The following AFAP1 variants were observed in gnomAD, a reference collection of about 807,000 sequenced individuals.
The protein encoded by AFAP1 is actin filament-associated protein 1.
AFAP1 carries 75 observed loss-of-function variants against 93.9 expected under a neutral mutation model. The ratio of observed to expected loss-of-function variants is 0.80; its 90% CI spans 0.66 to 0.97. The LOEUF (loss-of-function observed/expected upper bound fraction) is 0.97. Ranked by LOEUF, AFAP1 falls within the 50% of genes least tolerant of loss-of-function variation. AFAP1 has a pLI of 0.00. For missense variants in AFAP1, 1,201 were observed against 1,050.8 expected, an observed-to-expected ratio of 1.14 and a Z score of -1.98; for synonymous variants, 517 against 430.7, an observed-to-expected ratio of 1.20 and a Z score of -2.48.
At chr4:7,775,119 T>A in intron 14 of AFAP1, 1 of 539,402 alleles carries the variant, frequency 1.9e-6, no homozygotes. Context: ...CCAGCCTGGA[T>A]GACAGTGAGA....
chr4:7,903,038 C>G (rs34310670), intron 1 of AFAP1, among the ~76,000 whole-genome samples: 46,381 of 152,038 alleles, frequency 0.31, 8,840 homozygotes, highest in Non-Finnish European at 0.44. Context: ...TCCCTCCAGG[C>G]AAGTATCTGA....
At chr4:7,812,275 T>C (rs2067842) in intron 8 of AFAP1, among the ~76,000 whole-genome samples, 128,810 of 152,024 alleles carry the variant, frequency 0.85, 55,044 homozygotes, top group African/African-American at 0.96. Context: ...GAGCAAGAGG[T>C]ATCCCCCACA....
At position 7,868,726 on chromosome 4, in the gene AFAP1, G is replaced by C; in HGVS notation, c.128-7C>G. ...TGGTCCTTCACATCAAAACCTGTAA[G>C]AATTAACCAGAACCACAGAACTGGA... On this transcript the variant is annotated splice_region_variant and splice_polypyrimidine_tract_variant and intron_variant, in intron 2 of 17. Transcript: ENST00000420658. 6.2e-7 allele frequency: 1 copy of C among 1,612,378 alleles called. No individual in the cohort carries two copies.
rs1177808474 is a variant in AFAP1 at position 7,855,473 on chromosome 4, G to C, written c.327C>G (p.Ile109Met). ...GCAGGGCTGGCCACTCACTTGATGT[G>C]ATGTATTCCGGAGCTTTTCCGGGGC... is the stretch of plus-strand genomic sequence containing the variant. ...PLSPGKAPEYITSNYDSDAMS... is the reference protein window; with the variant it reads ...PLSPGKAPEYMTSNYDSDAMS... The change falls in exon 4 of 18, where the codon ATC (isoleucine) becomes ATG (methionine). Residue 109 changes from isoleucine (I) to methionine (M), a missense_variant. By Grantham distance (10) the Ile-to-Met change is conservative. Transcript: ENST00000420658. 6.2e-7 allele frequency: 1 copy of C among 1,606,150 alleles called. No individual in the cohort carries two copies. The highest frequency in any genetic ancestry group is 1.1e-5 in the South Asian group (1 of 90,232).
chr4:7,837,744 C>G (rs772166030), intron 6 of AFAP1, among the ~76,000 whole-genome samples: 1 of 152,150 alleles, frequency 6.6e-6, no homozygotes, highest in African/African-American at 2.4e-5. Flanking sequence ...TAGGGCTGGA[C>G]ACGATGGCTC....
chr4:7,836,319 C>G (rs1223207101), intron 6 of AFAP1, among the ~76,000 whole-genome samples: 1 of 152,188 alleles, frequency 6.6e-6, no homozygotes, highest in Non-Finnish European at 1.5e-5. Flanking sequence ...CCACGAAAGC[C>G]CAAGTACTGT....
chr4:7,929,861 C>T (rs369008416), intron 1 of AFAP1, among the ~76,000 whole-genome samples: 5 of 152,210 alleles, frequency 3.3e-5, no homozygotes, highest in East Asian at 3.9e-4. Flanking sequence ...TCCGGAGGTG[C>T]CGGCTCTGTT....
chr4:7,858,249 A>G (rs1356207542), intron 3 of AFAP1, among the ~76,000 whole-genome samples: 2 of 152,366 alleles, frequency 1.3e-5, no homozygotes, highest in Non-Finnish European at 2.9e-5. Context: ...GTCATTCACC[A>G]AAAGTGTTCA....
At chr4:7,767,849 G>A (rs1388453344) in intron 17 of AFAP1, among the ~76,000 whole-genome samples, 1 of 152,210 alleles carries the variant, frequency 6.6e-6, no homozygotes, top group Non-Finnish European at 1.5e-5. Flanking sequence ...GGAGGTAGGA[G>A]GATCACTTGA....
At chr4:7,819,451 C>T (rs780306855) in intron 6 of AFAP1, among the ~76,000 whole-genome samples, 2 of 152,166 alleles carry the variant, frequency 1.3e-5, no homozygotes, top group Non-Finnish European at 2.9e-5. Context: ...TATTTATCGC[C>T]ATGAACAATA....
At chr4:7,789,844 G>A (rs1454993879) in intron 11 of AFAP1, among the ~76,000 whole-genome samples, 1 of 152,214 alleles carries the variant, frequency 6.6e-6, no homozygotes, top group Non-Finnish European at 1.5e-5. Flanking sequence ...TCCCAGCTGA[G>A]TGTGACTTGA....
rs1716763856 is a variant in AFAP1 at position 7,781,466 on chromosome 4, C to G, written c.1692G>C (p.Leu564=). 3 of 1,552,096 alleles carry G rather than the reference C, an allele frequency of 1.9e-6. No homozygotes were observed. The highest frequency in any genetic ancestry group is 2.6e-6 in the Non-Finnish European group (3 of 1,147,082). The part of the protein sequence containing the change: ...RKASRLSADK[L]SSNHYKYPAS... ...CAGGGTATTTGTAATGGTTAGAGGACAGCTTGTCAGCAGACAGCCTAGAGG... is the reference window on the plus strand; with the variant it reads ...CAGGGTATTTGTAATGGTTAGAGGAGAGCTTGTCAGCAGACAGCCTAGAGG... The change falls in exon 13 of 18, where the codon CTG becomes CTC. Residue 564 remains leucine, a synonymous_variant. Coordinates refer to ENST00000420658, the MANE Select transcript of AFAP1 (RefSeq NM_001134647.2).
intron 3 of AFAP1, among the ~76,000 whole-genome samples, chr4:7,862,884 A>G (rs1198866928): frequency 1.3e-5 from 2 of 152,116 alleles, no homozygotes; most frequent in Non-Finnish European, 2.9e-5. Flanking sequence ...GTTTAGACAC[A>G]ATGCTATGCT....
intron 6 of AFAP1, among the ~76,000 whole-genome samples, chr4:7,827,121 G>C (rs939521878): frequency 3.9e-5 from 6 of 152,128 alleles, no homozygotes; most frequent in African/African-American, 1.4e-4. Flanking sequence ...GGGCTGAAGA[G>C]CCCACAGGAG....
intron 1 of AFAP1, among the ~76,000 whole-genome samples, chr4:7,890,110 A>G (rs1718376598): frequency 6.6e-6 from 1 of 152,154 alleles, no homozygotes; most frequent in African/African-American, 2.4e-5. Context: ...AAAAAGAACA[A>G]TGTTGGAACA....
rs1715933136 is a variant in AFAP1 at position 7,774,848 on chromosome 4, T to C, written c.1953A>G (p.Leu651=). The C allele has an allele frequency of 1.9e-6, 3 of 1,614,224 alleles. No individual in the cohort carries two copies. Among genetic ancestry groups the C allele is most frequent in the South Asian group, 1.1e-5 (1 of 91,086 alleles). ...TCAGCAGCTCCTCCTCTTTGGTCTG[T>C]AGCCGCTTGGCATCTGCTTCTACCC... The part of the protein sequence containing the change: ...KNRVEADAKR[L]QTKEEELLKR... The change falls in exon 15 of 18, where the codon CTA becomes CTG. Residue 651 remains leucine, a synonymous_variant. Coordinates refer to ENST00000420658, the MANE Select transcript of AFAP1 (RefSeq NM_001134647.2).
At chr4:7,773,360 G>T (rs565934188) in intron 15 of AFAP1, 23 of 245,644 alleles carry the variant, frequency 9.4e-5, no homozygotes, top group Non-Finnish European at 1.2e-4. Context: ...TGTGAACCCT[G>T]TCCTCCCCTA....
rs1341879838 is a variant in AFAP1 at position 7,781,499 on chromosome 4, G to C, written c.1659C>G (p.Asp553Glu). 1 of 1,552,244 alleles carries C rather than the reference G, an allele frequency of 6.4e-7. No individual in the cohort carries two copies. Among genetic ancestry groups the C allele is most frequent in the Non-Finnish European group, 8.7e-7 (1 of 1,147,124 alleles). The part of the protein sequence containing the change: ...PHIFARYSPA[D>E]RKASRLSADK... ...CAGCAGACAGCCTAGAGGCCTTTCT[G>C]TCAGCAGGAGAGTAGCGGGCAAAGA... Residue 553 changes from aspartate (D) to glutamate (E), a missense_variant, in exon 13 of 18, where the codon GAC (aspartate) becomes GAG (glutamate). Physicochemically the swap from Asp to Glu is conservative, Grantham distance 45 (BLOSUM62 2). Coordinates refer to ENST00000420658, the MANE Select transcript of AFAP1 (RefSeq NM_001134647.2).
At chr4:7,838,483 T>C (rs528598219) in intron 6 of AFAP1, 41 bp downstream of exon 6, 8 of 1,568,390 alleles carry the variant, frequency 5.1e-6, no homozygotes, top group South Asian at 2.4e-5. Flanking sequence ...CAGAAAGGCA[T>C]GTGGAACTGA....
Sources: allele counts gnomAD v4.1 joint callset (sites outside exome capture counted in the v4.1 genomes callset), GRCh38; gene constraint gnomAD v4.1.1; transcripts MANE v1.5; gene names NCBI Gene and HGNC (gene_info 2026-07-23, HGNC 2026-07-21).